RAPGEF6: variants seen among roughly 807,000 people sequenced by gnomAD.
The protein encoded by RAPGEF6 is Rap guanine nucleotide exchange factor 6, also known as PDZ domain containing guanine nucleotide exchange factor (GEF) 2.
RAPGEF6 carries 56 observed loss-of-function variants against 171.4 expected under a neutral mutation model. That is an observed-to-expected ratio of 0.33 (90% CI 0.26 to 0.41). The LOEUF (loss-of-function observed/expected upper bound fraction) is 0.41. Ranked by LOEUF, RAPGEF6 falls within the 10% of genes least tolerant of loss-of-function variation. The pLI is 1.00. For missense variants in RAPGEF6, 1,674 were observed against 1,921.4 expected (o/e 0.87, Z 2.41); for synonymous variants, 692 against 650.1 (o/e 1.06, Z -0.98).
intron 4 of RAPGEF6, among the ~76,000 whole-genome samples, chr5:131,585,826 C>T (rs1314749724): frequency 6.6e-6 from 1 of 152,026 alleles, no homozygotes; most frequent in East Asian, 1.9e-4. Flanking sequence ...AACTCCGTCC[C>T]CAAAAAACAA....
intron 5 of RAPGEF6, among the ~76,000 whole-genome samples, chr5:131,559,186 G>C (rs1257760501): frequency 1.3e-5 from 2 of 152,144 alleles, no homozygotes; most frequent in South Asian, 2.1e-4. Context: ...AAAATTAGCT[G>C]CACGTGGTGG....
intron 17 of RAPGEF6, chr5:131,472,074 C>CTTT (rs34112867): frequency 7.1e-5 from 10 of 141,408 alleles, no homozygotes; most frequent in South Asian, 2.1e-4. Flanking sequence ...TTTTTCTTTT[C>CTTT]TTTTTTTTTT....
intron 24 of RAPGEF6, chr5:131,435,761 C>G (rs1425692621): frequency 1.7e-6 from 2 of 1,167,836 alleles, no homozygotes; most frequent in Admixed American, 3.4e-5. Context: ...CTACAGAAAA[C>G]AAGAGTATAA....
At chr5:131,545,504 A>C (rs1760462793) in intron 6 of RAPGEF6, among the ~76,000 whole-genome samples, 1 of 152,196 alleles carries the variant, frequency 6.6e-6, no homozygotes, top group Non-Finnish European at 1.5e-5. Flanking sequence ...AATAGAACAA[A>C]AGACATAAAG....
At chr5:131,519,800 T>C (rs910765063) in intron 7 of RAPGEF6, among the ~76,000 whole-genome samples, 2 of 152,242 alleles carry the variant, frequency 1.3e-5, no homozygotes, top group Non-Finnish European at 1.5e-5. Context: ...TGTTTTCTTC[T>C]GGAAAAACAC....
intron 6 of RAPGEF6, among the ~76,000 whole-genome samples, chr5:131,540,248 C>T (rs890102787): frequency 6.6e-6 from 1 of 152,178 alleles, no homozygotes; most frequent in Non-Finnish European, 1.5e-5. Context: ...ATAACCAACA[C>T]TCATACAGGC....
intron 6 of RAPGEF6, among the ~76,000 whole-genome samples, chr5:131,533,380 A>G (rs183792704): frequency 6.6e-6 from 1 of 152,254 alleles, no homozygotes. Flanking sequence ...TATTATTCAA[A>G]TGTAATACAG....
chr5:131,612,660 T>C (rs1246756696), intron 1 of RAPGEF6, among the ~76,000 whole-genome samples: 2 of 152,142 alleles, frequency 1.3e-5, no homozygotes, highest in African/African-American at 4.8e-5. Flanking sequence ...GCAAACAAGT[T>C]CTGAAAATTG....
chr5:131,490,829 A>G (rs1368575018), intron 14 of RAPGEF6, among the ~76,000 whole-genome samples: 1 of 152,254 alleles, frequency 6.6e-6, no homozygotes, highest in Non-Finnish European at 1.5e-5. Context: ...CAAATGAAAT[A>G]AAAGTGATCA....
chr5:131,511,883 T>C (rs180698346), intron 7 of RAPGEF6, among the ~76,000 whole-genome samples: 2 of 152,290 alleles, frequency 1.3e-5, no homozygotes, highest in Admixed American at 1.3e-4. Context: ...GTTCCCTAGC[T>C]ATGTAAACTA....
At chr5:131,617,609 C>T (rs566431538) in intron 1 of RAPGEF6, among the ~76,000 whole-genome samples, 3 of 152,208 alleles carry the variant, frequency 2.0e-5, no homozygotes, top group East Asian at 3.9e-4. Flanking sequence ...CCCACCACCA[C>T]CCCCAGTTAG....
At chr5:131,459,007 A>T (rs891113736) in intron 19 of RAPGEF6, among the ~76,000 whole-genome samples, 11 of 152,222 alleles carry the variant, frequency 7.2e-5, no homozygotes, top group African/African-American at 2.4e-4. Context: ...TTGATATGAA[A>T]CAAATAAACA....
chr5:131,630,763 G>A (rs1766254669), intron 1 of RAPGEF6, among the ~76,000 whole-genome samples: 1 of 152,040 alleles, frequency 6.6e-6, no homozygotes, highest in Admixed American at 6.5e-5. Context: ...CAAAATAAAG[G>A]AACCATTCAT....
intron 24 of RAPGEF6, among the ~76,000 whole-genome samples, chr5:131,434,530 T>C (rs59566190): frequency 0.013 from 1,916 of 152,372 alleles, 39 homozygotes; most frequent in African/African-American, 0.038. Flanking sequence ...TGAGCCACCA[T>C]GCCCAGCCTG....
chr5:131,592,665 T>C (rs1763664007), intron 3 of RAPGEF6, among the ~76,000 whole-genome samples, 199 bp from the exon 4 acceptor site: 1 of 152,354 alleles, frequency 6.6e-6, no homozygotes, highest in South Asian at 2.1e-4. Context: ...ATAATCACTA[T>C]CTTAAGATAC....
intron 17 of RAPGEF6, among the ~76,000 whole-genome samples, chr5:131,471,751 AT>A (rs1561490453): frequency 6.6e-6 from 1 of 151,478 alleles, no homozygotes; most frequent in African/African-American, 2.4e-5. Flanking sequence ...CAAAAAAAAA[AT>A]AACTTGACAT....
At chr5:131,602,956 T>C (rs1764343123) in intron 3 of RAPGEF6, among the ~76,000 whole-genome samples, 1 of 152,178 alleles carries the variant, frequency 6.6e-6, no homozygotes, top group Non-Finnish European at 1.5e-5. Flanking sequence ...TATACCAAGT[T>C]CAATAAGTGG....
chr5:131,610,394 T>C (rs1412422151), intron 1 of RAPGEF6, among the ~76,000 whole-genome samples: 1 of 151,946 alleles, frequency 6.6e-6, no homozygotes, highest in African/African-American at 2.4e-5. Flanking sequence ...GTAAGAAGAG[T>C]TGCCATTTTG....
At chr5:131,631,652 T>C (rs1471398973) in intron 1 of RAPGEF6, among the ~76,000 whole-genome samples, 3 of 152,180 alleles carry the variant, frequency 2.0e-5, no homozygotes, top group Non-Finnish European at 4.4e-5. Flanking sequence ...GCCAGGAGAC[T>C]ACCCAGTAAG....
Sources: gnomAD v4.1 joint callset for allele counts (sites outside exome capture counted in the v4.1 genomes callset) on GRCh38, gnomAD v4.1.1 for gene constraint, MANE v1.5 for transcripts, NCBI Gene and HGNC (gene_info 2026-07-23, HGNC 2026-07-21) for gene names.